PCDHGA1: variants seen among roughly 807,000 people sequenced by gnomAD.
The protein encoded by PCDHGA1 is protocadherin gamma-A1.
A neutral mutation model predicts 58.0 loss-of-function variants in PCDHGA1; 32 were observed. The observed-to-expected ratio is 0.55, with a 90% CI of 0.42 to 0.74. The LOEUF (loss-of-function observed/expected upper bound fraction) is 0.74, where lower values mean the gene tolerates loss of function less well. PCDHGA1 is among the 30% of genes least tolerant of loss of function. The probability of loss-of-function intolerance (pLI) is 0.00; values close to 1 mark genes in which losing one functional copy is unlikely to be tolerated. For missense variants in PCDHGA1, 1,205 were observed against 1,182.3 expected, an observed-to-expected ratio of 1.02 and a Z score of -0.28; for synonymous variants, 498 against 501.1, an observed-to-expected ratio of 0.99 and a Z score of 0.08.
intron 1 of PCDHGA1, chr5:141,428,119 C>T (rs2097112199): frequency 6.2e-7 from 1 of 1,606,512 alleles, no homozygotes; most frequent in Non-Finnish European, 8.5e-7. Context: ...GCCATCGAGC[C>T]CGGGCTTTTC....
chr5:141,431,450 A>T lies in PCDHGA1; in HGVS notation c.2422-63357A>T, dbSNP rs1468567743. 1 of 1,613,740 alleles carries T rather than the reference A, an allele frequency of 6.2e-7. No homozygotes were observed. Among genetic ancestry groups the T allele is most frequent in the Admixed American group, 1.7e-5 (1 of 60,032 alleles). ...CACAGGCACCGCGCGCATCCGCGTG[A>T]TGGTTCTGGATGCGAACGACAACGC... On this transcript the variant is annotated intron_variant, in intron 1 of 3. Transcript: ENST00000517417. This position sits in a 1 kb window ranked among gnomAD's most constrained non-coding sequence, Gnocchi z 4.8.
At chr5:141,474,252 A>T (rs1381172188) in intron 1 of PCDHGA1, among the ~76,000 whole-genome samples, 1 of 152,200 alleles carries the variant, frequency 6.6e-6, no homozygotes, top group Non-Finnish European at 1.5e-5. Flanking sequence ...GGAAAAAAAG[A>T]CTGATAAACC....
At chr5:141,413,020 C>G in intron 1 of PCDHGA1, 7 of 693,768 alleles carry the variant, frequency 1.0e-5, no homozygotes, top group Non-Finnish European at 1.4e-5. Context: ...CTACACAAGC[C>G]CCACAAACCG....
At chr5:141,429,814 T>C (rs554065871) in intron 1 of PCDHGA1, among the ~76,000 whole-genome samples, 3 of 152,322 alleles carry the variant, frequency 2.0e-5, no homozygotes, top group African/African-American at 7.2e-5. Flanking sequence ...TAATTACAAT[T>C]AGGTCAGTTA....
intron 1 of PCDHGA1, among the ~76,000 whole-genome samples, chr5:141,482,828 T>G (rs1274498876): frequency 4.4e-5 from 6 of 135,272 alleles, no homozygotes; most frequent in Non-Finnish European, 9.5e-5. Flanking sequence ...TCCTAGCACT[T>G]TGGGAGGCCA....
rs371079504 is a variant in PCDHGA1, at chr5:141,422,041, G to C, written c.2422-72766G>C. 9 of 1,611,514 alleles carry C rather than the reference G, an allele frequency of 5.6e-6. No homozygotes were observed. The highest frequency in any genetic ancestry group is 5.9e-6 in the Non-Finnish European group (7 of 1,179,230). On this transcript the variant is annotated intron_variant, in intron 1 of 3. Transcript: ENST00000517417. ...GATGGTTAATGCAACGGATCCAGAC[G>C]AGGGAATCAACGGGGAAGTAATGTA...
intron 1 of PCDHGA1, chr5:141,404,489 G>C: frequency 6.2e-7 from 1 of 1,613,796 alleles, no homozygotes; most frequent in Non-Finnish European, 8.5e-7. Flanking sequence ...AGACACTGGT[G>C]TGCTGTATGC....
intron 1 of PCDHGA1, chr5:141,371,039 G>T (rs1233349729): frequency 6.2e-6 from 10 of 1,613,966 alleles, no homozygotes; most frequent in Non-Finnish European, 8.5e-6. Flanking sequence ...TCACAGCTGT[G>T]GATGGGGGCG....
intron 1 of PCDHGA1, among the ~76,000 whole-genome samples, chr5:141,347,404 G>A (rs544331097): frequency 5.3e-5 from 8 of 151,972 alleles, no homozygotes; most frequent in Admixed American, 2.0e-4. Context: ...ATCTGCCCAC[G>A]TCAGCCTCCC....
At chr5:141,346,356 T>A (rs147497475) in intron 1 of PCDHGA1, 1 of 1,614,176 alleles carries the variant, frequency 6.2e-7, no homozygotes, top group Admixed American at 1.7e-5. Context: ...CCAGCCCAAC[T>A]ATGCGGACAC....
intron 1 of PCDHGA1, among the ~76,000 whole-genome samples, chr5:141,436,162 G>A (rs1036923915): frequency 2.6e-5 from 4 of 152,142 alleles, no homozygotes; most frequent in African/African-American, 7.2e-5. Flanking sequence ...TTTATCATAT[G>A]GACAGTTCTC....
intron 1 of PCDHGA1, chr5:141,374,602 T>A (rs747550525): frequency 9.9e-6 from 16 of 1,613,534 alleles, no homozygotes; most frequent in Non-Finnish European, 1.3e-5. Flanking sequence ...TTAAGCTCAG[T>A]GGTAATAGTC....
At chr5:141,376,251 G>T in intron 1 of PCDHGA1, 1 of 1,614,228 alleles carries the variant, frequency 6.2e-7, no homozygotes, top group Non-Finnish European at 8.5e-7. Context: ...CACAAGTCAC[G>T]CCTGCTGCAG....
chr5:141,478,323 G>A, intron 1 of PCDHGA1: 2 of 1,613,958 alleles, frequency 1.2e-6, no homozygotes, highest in Non-Finnish European at 8.5e-7. Flanking sequence ...TCACTGTACC[G>A]AACACCAGGG....
intron 1 of PCDHGA1, among the ~76,000 whole-genome samples, chr5:141,467,823 T>A (rs1225960296): frequency 1.3e-5 from 2 of 152,012 alleles, no homozygotes; most frequent in African/African-American, 2.4e-5. Flanking sequence ...CACACCAGGC[T>A]GATTTTTATA....
At chr5:141,462,271 G>C (rs2099036316) in intron 1 of PCDHGA1, among the ~76,000 whole-genome samples, 1 of 152,174 alleles carries the variant, frequency 6.6e-6, no homozygotes, top group African/African-American at 2.4e-5. Context: ...AAAGTGTATT[G>C]TTTAGTCACC....
At chr5:141,421,388 G>T in intron 1 of PCDHGA1, 17 of 1,614,052 alleles carry the variant, frequency 1.1e-5, no homozygotes, top group Non-Finnish European at 1.4e-5. Flanking sequence ...AAGGACCTGG[G>T]GCTGGAGCCC....
In PCDHGA1 at chr5:141,485,910, G is replaced by C. The variant is rs142273728; in HGVS notation, c.2422-8897G>C. On this transcript the variant is annotated intron_variant, in intron 1 of 3. Transcript: ENST00000517417. The surrounding 1 kb of genome is among the most constrained non-coding windows in gnomAD (Gnocchi z 5.7). ...AACGCCCCAGCCTTCCAGCAATCCAGCTACAGGATTAGTGTGTTGGAGAGC... is the reference window on the plus strand; with the variant it reads ...AACGCCCCAGCCTTCCAGCAATCCACCTACAGGATTAGTGTGTTGGAGAGC... The C allele has an allele frequency of 1.2e-6, 2 of 1,614,078 alleles. No homozygotes were observed. Among genetic ancestry groups the C allele is most frequent in the African/African-American group, 2.7e-5 (2 of 74,932 alleles).
At chr5:141,415,688 T>C (rs373105795) in intron 1 of PCDHGA1, 1 of 1,546,006 alleles carries the variant, frequency 6.5e-7, no homozygotes, top group Admixed American at 2.0e-5. Context: ...GGCATGATGG[T>C]GGAAAGTGTA....
Sources: gnomAD v4.1 joint callset for allele counts (sites outside exome capture counted in the v4.1 genomes callset) on GRCh38, gnomAD v4.1.1 for gene constraint, Gnocchi (gnomAD v3.1) non-coding constraint, MANE v1.5 for transcripts, NCBI Gene and HGNC (gene_info 2026-07-23, HGNC 2026-07-21) for gene names.